NELL2: variants seen among roughly 807,000 people sequenced by gnomAD.
NELL2 encodes the protein neural EGFL like 2.
A neutral mutation model predicts 109.6 loss-of-function variants in NELL2; 41 were observed. The ratio of observed to expected loss-of-function variants is 0.37; its 90% CI spans 0.29 to 0.49. The LOEUF (loss-of-function observed/expected upper bound fraction) is 0.49. Ranked by LOEUF, NELL2 falls within the 20% of genes least tolerant of loss-of-function variation. The pLI is 0.98. For synonymous variants in NELL2, 355 were observed against 344.7 expected, an observed-to-expected ratio of 1.03 and a Z score of -0.33; for missense variants, 900 against 1,008.3, an observed-to-expected ratio of 0.89 and a Z score of 1.45.
chr12:44,539,199 T>A (rs1942430502), intron 15 of NELL2, among the ~76,000 whole-genome samples: 1 of 152,212 alleles, frequency 6.6e-6, no homozygotes, highest in Non-Finnish European at 1.5e-5. Flanking sequence ...ACTGACTTAA[T>A]TAATATAATT....
At chr12:44,711,423 A>C (rs201055293) in intron 10 of NELL2, 29 bp from the exon 11 acceptor site, 3 of 1,546,144 alleles carry the variant, frequency 1.9e-6, no homozygotes, top group Non-Finnish European at 2.7e-6. Context: ...GAAGTGCTTC[A>C]AATTTTATCA....
chr12:44,571,387 C>T (rs532535671), intron 15 of NELL2, among the ~76,000 whole-genome samples: 170 of 152,302 alleles, frequency 1.1e-3, no homozygotes, highest in African/African-American at 3.9e-3. Context: ...TGTCTCAGCT[C>T]TCAGGTCTGC....
At chr12:44,822,783 AAGT>A (rs1477526997) in intron 2 of NELL2, among the ~76,000 whole-genome samples, 3 of 152,232 alleles carry the variant, frequency 2.0e-5, no homozygotes, top group Non-Finnish European at 4.4e-5. Flanking sequence ...ATAAATAATG[AAGT>A]AGCTCAGAAG....
chr12:44,837,072 A>G (rs1359530077), intron 2 of NELL2, among the ~76,000 whole-genome samples: 1 of 152,210 alleles, frequency 6.6e-6, no homozygotes, highest in Non-Finnish European at 1.5e-5. Flanking sequence ...AGTGCCTGGC[A>G]CATAGTGAGC....
At chr12:44,601,040 G>GA (rs946332069) in intron 15 of NELL2, among the ~76,000 whole-genome samples, 3 of 152,048 alleles carry the variant, frequency 2.0e-5, no homozygotes, top group Non-Finnish European at 4.4e-5. Context: ...ATGATCTATT[G>GA]AAAAAAATAA....
chr12:44,725,080 G>C (rs1175418434), intron 9 of NELL2, among the ~76,000 whole-genome samples: 1 of 152,048 alleles, frequency 6.6e-6, no homozygotes, highest in South Asian at 2.1e-4. Context: ...GAAAATTGAA[G>C]CTGGACCCCT....
upstream of NELL2, among the ~76,000 whole-genome samples, chr12:44,878,360 T>G (rs373435778): frequency 8.5e-5 from 13 of 152,332 alleles, no homozygotes; most frequent in East Asian, 7.7e-4. Flanking sequence ...GAGTTGTTTC[T>G]CTAAAACTAA....
In NELL2 at chr12:44,643,716, C is replaced by G. The variant is rs1337603554; in HGVS notation, c.1444+21768G>C. Among the ~76,000 whole-genome samples, 4 of 152,218 alleles carry G rather than the reference C, an allele frequency of 2.6e-5. No homozygotes were observed. The East Asian group carries it at 7.7e-4, about 29-fold the overall frequency. On this transcript the variant is annotated intron_variant, in intron 13 of 19. Transcript: ENST00000429094. ...GTAGATGCAGTATATTTATATTAACCAATGCCAAGCTTTTCAAAATATGTG... is the reference window on the plus strand; with the variant it reads ...GTAGATGCAGTATATTTATATTAACGAATGCCAAGCTTTTCAAAATATGTG...
chr12:44,831,025 AC>A lies in NELL2; in HGVS notation c.185-14890del, dbSNP rs528098963. ...ACTTGCCCCATTTACCACATTGGACACCACACCCAACTCCTGCTTATACTCA... is the reference window on the plus strand; with the variant it reads ...ACTTGCCCCATTTACCACATTGGACACACACCCAACTCCTGCTTATACTCA... On this transcript the variant is annotated intron_variant, in intron 2 of 19. Coordinates refer to ENST00000429094, the MANE Select transcript of NELL2 (RefSeq NM_001145108.2). Among the ~76,000 whole-genome samples, 332 of 151,854 alleles carry A rather than the reference AC, an allele frequency of 2.2e-3. 3 individuals are homozygous for A. Among genetic ancestry groups the A allele is most frequent in the African/African-American group, 7.5e-3 (312 of 41,410 alleles).
rs1481806030 is a variant in NELL2 at position 44,920,840 on chromosome 12, T to C, written c.-32+950A>G. ...AGTGCAAATGTTACCAACAAATCCA[T>C]AAAATGAAATACTTTACATAAAAAT... On this transcript the variant is annotated intron_variant, in intron 1 of 9. Coordinates refer to the NELL2 transcript ENST00000552993. Among the ~76,000 whole-genome samples the C allele has an allele frequency of 2.0e-5, 3 of 152,142 alleles. No homozygotes were observed. The East Asian group carries it at 5.8e-4, about 29-fold the overall frequency.
At chr12:44,908,338 G>A (rs574109916) in intron 1 of NELL2, among the ~76,000 whole-genome samples, 2 of 152,098 alleles carry the variant, frequency 1.3e-5, no homozygotes, top group African/African-American at 4.8e-5. Context: ...TTTAAGATGG[G>A]TAAGAAAGGC....
intron 15 of NELL2, among the ~76,000 whole-genome samples, chr12:44,591,080 A>G (rs960822393): frequency 3.9e-5 from 6 of 152,202 alleles, no homozygotes; most frequent in African/African-American, 1.4e-4. Flanking sequence ...AGAAGATATC[A>G]TCTTACCACA....
intron 2 of NELL2, among the ~76,000 whole-genome samples, chr12:44,817,098 C>T (rs1453969940): frequency 1.3e-5 from 2 of 152,182 alleles, no homozygotes; most frequent in Non-Finnish European, 2.9e-5. Flanking sequence ...GACAATCCTT[C>T]TTTGTGCAGG....
chr12:44,632,634 A>G (rs1011731414), intron 13 of NELL2, among the ~76,000 whole-genome samples: 6 of 151,760 alleles, frequency 4.0e-5, no homozygotes, highest in Non-Finnish European at 7.4e-5. Context: ...TTCGGAAGCC[A>G]AAAAAAATCA....
At chr12:44,914,853 A>T (rs1049816143), upstream of NELL2, among the ~76,000 whole-genome samples, 19 of 146,924 alleles carry the variant, frequency 1.3e-4, no homozygotes, top group Middle Eastern at 3.5e-3. Context: ...TAAAAAAGAA[A>T]TTTTTTTTTT....
intron 15 of NELL2, among the ~76,000 whole-genome samples, chr12:44,562,388 A>G (rs1475950968): frequency 6.6e-6 from 1 of 152,224 alleles, no homozygotes; most frequent in Non-Finnish European, 1.5e-5. Context: ...CAGCCTACAG[A>G]ATGGGAGAAA....
chr12:44,534,656 T>C (rs1592081630), intron 15 of NELL2, among the ~76,000 whole-genome samples: 1 of 152,264 alleles, frequency 6.6e-6, no homozygotes, highest in Middle Eastern at 3.4e-3. Flanking sequence ...ATGTAGAGAA[T>C]TGATTATGTC....
chr12:44,635,431 C>T (rs944781496), intron 13 of NELL2, among the ~76,000 whole-genome samples: 3 of 152,128 alleles, frequency 2.0e-5, no homozygotes, highest in Non-Finnish European at 4.4e-5. Context: ...ACATTTAAGT[C>T]TTTAATGCAT....
intron 3 of NELL2, 78 bp downstream of exon 3, chr12:44,815,908 C>A (rs1242507918): frequency 6.7e-7 from 1 of 1,485,970 alleles, no homozygotes; most frequent in Non-Finnish European, 9.1e-7. Flanking sequence ...GAGAAGAAAG[C>A]TTTTGTTTAC....
Sources: gnomAD v4.1 joint callset for allele counts (sites outside exome capture counted in the v4.1 genomes callset) on GRCh38, gnomAD v4.1.1 for gene constraint, MANE v1.5 for transcripts, NCBI Gene and HGNC (gene_info 2026-07-23, HGNC 2026-07-21) for gene names.